Variants in NT5E observed in about 807,000 individuals in gnomAD.
NT5E encodes the protein 5'-nucleotidase.
NT5E carries 53 observed loss-of-function variants against 55.1 expected under a neutral mutation model. That is an observed-to-expected ratio of 0.96 (90% confidence interval 0.77 to 1.21). The LOEUF (loss-of-function observed/expected upper bound fraction) is 1.21, where lower values mean the gene tolerates loss of function less well. Ranked by LOEUF, NT5E falls within the 50% of genes most tolerant of loss-of-function variation. NT5E has a pLI of 0.00. For missense variants in NT5E, 683 were observed against 724.3 expected (o/e 0.94, Z 0.65); for synonymous variants, 270 against 278.4 (o/e 0.97, Z 0.30).
intron 5 of NT5E, among the ~76,000 whole-genome samples, chr6:85,487,779 A>G (rs1294924003): frequency 1.3e-5 from 2 of 152,200 alleles, no homozygotes; most frequent in Non-Finnish European, 2.9e-5. Context: ...AAAAATAAAT[A>G]AAACATTAGT....
At chr6:85,477,855 G>A (rs1244283372) in intron 3 of NT5E, among the ~76,000 whole-genome samples, 3 of 152,078 alleles carry the variant, frequency 2.0e-5, no homozygotes, top group East Asian at 3.9e-4. Flanking sequence ...AGCTTCAAAG[G>A]TAATTTCCTG....
chr6:85,485,257 G>A lies in NT5E; in HGVS notation c.774G>A (p.Val258=). The part of the protein sequence containing the change: ...LYTGNPPSKE[V]PAGKYPFIVT... ...CAGGCAATCCACCTTCCAAAGAGGTGCCTGCTGGGAAGTACCCATTCATAG... is the reference window on the plus strand; with the variant it reads ...CAGGCAATCCACCTTCCAAAGAGGTACCTGCTGGGAAGTACCCATTCATAG... The change falls in exon 4 of 9, where the codon GTG becomes GTA. Residue 258 remains valine (V), a synonymous_variant. Transcript: ENST00000257770. The A allele has an allele frequency of 1.2e-6, 2 of 1,614,198 alleles. No homozygotes were observed. The highest frequency in any genetic ancestry group is 1.7e-6 in the Non-Finnish European group (2 of 1,180,030).
chr6:85,450,511 C>G lies in NT5E; in HGVS notation c.339+33C>G. ...CCGAGCCCGCGCCCGGGATAGTAGT[C>G]CCGGACTGAGAGAGGAGCCGGGCTG... On this transcript the variant is annotated intron_variant, in intron 1 of 8. Transcript: ENST00000257770. The surrounding 1 kb of genome is among the most constrained non-coding windows in gnomAD (Gnocchi z 4.0). 1.3e-6 allele frequency: 2 copies of G among 1,548,108 alleles called. No individual in the cohort carries two copies. Among genetic ancestry groups the G allele is most frequent in the Non-Finnish European group, 1.8e-6 (2 of 1,140,596 alleles).
chr6:85,467,394 C>A (rs1769218391), intron 2 of NT5E, 112 bp downstream of exon 2: 2 of 862,188 alleles, frequency 2.3e-6, no homozygotes, highest in South Asian at 2.9e-5. Context: ...GTAAATAGTG[C>A]ACTAGAATAA....
At chr6:85,488,597 T>C (rs1056729069) in intron 5 of NT5E, among the ~76,000 whole-genome samples, 4 of 152,140 alleles carry the variant, frequency 2.6e-5, no homozygotes, top group Non-Finnish European at 5.9e-5. Context: ...TATTTATTTA[T>C]TGAGACTGAG....
intron 3 of NT5E, among the ~76,000 whole-genome samples, chr6:85,479,933 G>A (rs1769511460): frequency 6.6e-6 from 1 of 152,194 alleles, no homozygotes; most frequent in African/African-American, 2.4e-5. Flanking sequence ...GCTGAGCCAT[G>A]GAGATGGCCA....
chr6:85,461,586 C>T (rs1261771686), intron 1 of NT5E, among the ~76,000 whole-genome samples: 1 of 152,228 alleles, frequency 6.6e-6, no homozygotes, highest in East Asian at 1.9e-4. Context: ...TGGCCCAGCT[C>T]TGACGAGCCA....
chr6:85,467,927 C>T (rs1406921454), intron 2 of NT5E, among the ~76,000 whole-genome samples: 1 of 151,696 alleles, frequency 6.6e-6, no homozygotes, highest in Non-Finnish European at 1.5e-5. Flanking sequence ...ACATATAAGA[C>T]ACACACACAT....
chr6:85,450,120 C>T lies in NT5E; in HGVS notation c.-20C>T. The T allele has an allele frequency of 1.3e-6, 2 of 1,547,184 alleles. No homozygotes were observed. Among genetic ancestry groups the T allele is most frequent in the Non-Finnish European group, 1.7e-6 (2 of 1,150,262 alleles). On this transcript the variant is annotated 5_prime_UTR_variant, in exon 1 of 9. Transcript: ENST00000257770. This position sits in a 1 kb window ranked among gnomAD's most constrained non-coding sequence, Gnocchi z 4.0. ...TCGCCCGGCTCGCCCGCTTTCGCACCCAGTTCACGCGCCACAGCTATGTGT... is the reference window on the plus strand; with the variant it reads ...TCGCCCGGCTCGCCCGCTTTCGCACTCAGTTCACGCGCCACAGCTATGTGT...
chr6:85,471,258 A>T lies in NT5E; in HGVS notation c.584A>T (p.Asp195Val). Residue 195 changes from aspartate to valine, a missense_variant, in exon 3 of 9, where the codon GAT becomes GTT. Transcript: ENST00000257770. ...SNPGTNLVFE[D>V]EITALQPEVD... Reference sequence around the variant, plus strand: ...TTAGGGACAAATTTAGTGTTTGAAGATGAAATCACTGCATTACAACCTGAA... The same window carrying T: ...TTAGGGACAAATTTAGTGTTTGAAGTTGAAATCACTGCATTACAACCTGAA... 6.2e-7 allele frequency: 1 copy of T among 1,608,690 alleles called. No homozygotes were observed. Among genetic ancestry groups the T allele is most frequent in the Non-Finnish European group, 8.5e-7 (1 of 1,176,802 alleles).
At chr6:85,467,570 C>G (rs1388704401) in intron 2 of NT5E, among the ~76,000 whole-genome samples, 1 of 152,140 alleles carries the variant, frequency 6.6e-6, no homozygotes, top group Non-Finnish European at 1.5e-5. Context: ...CAGTGCTAAA[C>G]AGTACAGTTT....
intron 3 of NT5E, among the ~76,000 whole-genome samples, chr6:85,476,218 A>G (rs757042610): frequency 4.6e-5 from 7 of 152,126 alleles, no homozygotes; most frequent in Non-Finnish European, 1.0e-4. Context: ...CCTCCACTCC[A>G]TTTCAGCAAC....
intron 2 of NT5E, among the ~76,000 whole-genome samples, chr6:85,470,032 T>C (rs1470442300): frequency 6.6e-6 from 1 of 152,214 alleles, no homozygotes; most frequent in African/African-American, 2.4e-5. Context: ...TTTAATGAAA[T>C]GTCATTCTCC....
chr6:85,484,247 A>G (rs1187853221), intron 3 of NT5E, among the ~76,000 whole-genome samples: 1 of 152,216 alleles, frequency 6.6e-6, no homozygotes, highest in Non-Finnish European at 1.5e-5. Context: ...AATCTGTCCC[A>G]TAGTCTCTAA....
At chr6:85,458,678 A>G (rs1210165031) in intron 1 of NT5E, among the ~76,000 whole-genome samples, 4 of 152,172 alleles carry the variant, frequency 2.6e-5, no homozygotes, top group East Asian at 1.9e-4. Context: ...AATTAGTTCT[A>G]TATATAATCC....
In NT5E at chr6:85,494,115, C is replaced by T. The variant is rs977729899; in HGVS notation, c.*111C>T. On this transcript the variant is annotated 3_prime_UTR_variant, in exon 9 of 9. Coordinates refer to ENST00000257770, the MANE Select transcript of NT5E (RefSeq NM_002526.4). ...CAGCAAAAACCATCTTTACAGGCTC[C>T]TAGAAGCTGAAGGTTAGAGCATTAT... The T allele has an allele frequency of 2.6e-5, 26 of 1,004,092 alleles. No homozygotes were observed. In the African/African-American group the frequency reaches 3.8e-4, roughly 15 times the overall value. 62.2% of individuals were successfully genotyped at this position (1,004,092 alleles called of 1,614,324 possible). A position where few individuals can be genotyped will look rare whatever the true frequency, so the allele number is the denominator to read the frequency against.
intron 1 of NT5E, among the ~76,000 whole-genome samples, chr6:85,465,966 A>G (rs1769184367): frequency 2.0e-5 from 3 of 152,206 alleles, no homozygotes; most frequent in African/African-American, 7.2e-5. Context: ...ACGAAACTGG[A>G]TGTGGTATTT....
At chr6:85,462,225 A>G (rs9359655) in intron 1 of NT5E, among the ~76,000 whole-genome samples, 26,353 of 151,746 alleles carry the variant, frequency 0.17, 2,644 homozygotes, top group African/African-American at 0.28. Context: ...ACTCCCATCC[A>G]TTCACTGCAG....
intron 3 of NT5E, among the ~76,000 whole-genome samples, chr6:85,476,715 A>T (rs1447802668): frequency 2.6e-5 from 4 of 152,084 alleles, no homozygotes; most frequent in Non-Finnish European, 5.9e-5. Flanking sequence ...TGGAAAGGGG[A>T]TGGAGTGGGA....
Sources: gnomAD v4.1 joint callset for allele counts (sites outside exome capture counted in the v4.1 genomes callset) on GRCh38, gnomAD v4.1.1 for gene constraint, Gnocchi (gnomAD v3.1) non-coding constraint, MANE v1.5 for transcripts, NCBI Gene and HGNC (gene_info 2026-07-23, HGNC 2026-07-21) for gene names.